Variants in BCL2L15 observed in about 807,000 individuals in gnomAD.
BCL2L15 encodes the protein BCL2 like 15, also known as bcl-2-like protein 15.
BCL2L15 carries 15 observed loss-of-function variants against 18.3 expected under a neutral mutation model. That is an observed-to-expected ratio of 0.82 (90% CI 0.55 to 1.26). The LOEUF (loss-of-function observed/expected upper bound fraction) is 1.26. BCL2L15 is among the 50% of genes most tolerant of loss of function. BCL2L15 has a pLI of 0.00. For missense variants in BCL2L15, 180 were observed against 201.7 expected (o/e 0.89, Z 0.65); for synonymous variants, 58 against 68.5 (o/e 0.85, Z 0.76).
chr1:113,881,667 T>C, intron 3 of BCL2L15, 106 bp downstream of exon 3: 2 of 1,450,186 alleles, frequency 1.4e-6, no homozygotes, highest in Middle Eastern at 2.6e-4. Flanking sequence ...AAGCCTGTTT[T>C]CCTGTTGGTT....
Position 113,880,960 on chromosome 1 carries a change from C to T in BCL2L15, c.*163G>A, listed in dbSNP as rs1413667447. ...CAACTCTGCAGGCCTCTGGCAGCTG[C>T]TCCCAACTTTAACAATCAGTAAAAA... On this transcript the variant is annotated 3_prime_UTR_variant, in exon 4 of 4. Transcript: ENST00000393316. The T allele has an allele frequency of 9.1e-6, 9 of 986,074 alleles. No homozygotes were observed. The highest frequency in any genetic ancestry group is 1.4e-5 in the Non-Finnish European group (9 of 656,908). The allele number at this position is 986,074 out of a possible 1,614,324, so 61.1% of individuals were successfully genotyped here. A position where few individuals can be genotyped will look rare whatever the true frequency, so the allele number is the denominator to read the frequency against.
At chr1:113,885,531 C>T (rs546491877) in intron 2 of BCL2L15, among the ~76,000 whole-genome samples, 1 of 152,084 alleles carries the variant, frequency 6.6e-6, no homozygotes, top group African/African-American at 2.4e-5. Context: ...AAGCGATTCT[C>T]CTGCCTCAGT....
rs759208761 is a variant in BCL2L15, at chr1:113,877,657, A to C, written c.*3466T>G. 7.2e-5 allele frequency among the ~76,000 whole-genome samples: 11 copies of C among 152,238 alleles called. No individual in the cohort carries two copies. Among genetic ancestry groups the C allele is most frequent in the Admixed American group, 2.0e-4 (3 of 15,288 alleles). On this transcript the variant is annotated 3_prime_UTR_variant, in exon 4 of 4. Coordinates refer to ENST00000393316, the MANE Select transcript of BCL2L15 (RefSeq NM_001010922.3). The stretch of plus-strand genomic sequence containing the variant: ...ATCTAAAAATGAATCAAAATAATAG[A>C]CAAAGAAACCACAGCTTTGATCAAT...
At position 113,887,491 on chromosome 1, in the gene BCL2L15, C is replaced by A; in HGVS notation, c.-116G>T. The A allele has an allele frequency of 1.4e-6, 2 of 1,418,162 alleles. No homozygotes were observed. The highest frequency in any genetic ancestry group is 9.7e-7 in the Non-Finnish European group (1 of 1,033,144). The allele number at this position is 1,418,162 out of a possible 1,614,324, so 87.8% of individuals were successfully genotyped here. Reference sequence around the variant, plus strand: ...GTTTCTACCTCTTGTAGTTTCCTGACATGTAATCCTGGAACTTTTCCCACT... The same window carrying A: ...GTTTCTACCTCTTGTAGTTTCCTGAAATGTAATCCTGGAACTTTTCCCACT... On this transcript the variant is annotated 5_prime_UTR_variant, in exon 1 of 4. An upstream start codon of the reference 5' UTR is lost. Coordinates refer to ENST00000393316, the MANE Select transcript of BCL2L15 (RefSeq NM_001010922.3).
At position 113,881,961 on chromosome 1, in the gene BCL2L15, TGA is replaced by T. The variant is rs780394339; in HGVS notation, c.284_285del (p.Leu95GlnfsTer14). Reference sequence around the variant, plus strand: ...GAATCCTGAGCACACCAGGTCTTGCTGAGAGATTCCACAGTGTCCTGGAGTAT... The same window carrying T: ...GAATCCTGAGCACACCAGGTCTTGCTGAGATTCCACAGTGTCCTGGAGTAT... ...GAILQDTVES[L>X]SKTWCAQDSS... On this transcript the variant is annotated frameshift_variant, in exon 3 of 4. Transcript: ENST00000393316. LOFTEE classifies it high-confidence loss of function. 6.2e-7 allele frequency: 1 copy of T among 1,614,054 alleles called. No homozygotes were observed. Among genetic ancestry groups the T allele is most frequent in the South Asian group, 1.1e-5 (1 of 91,076 alleles).
At chr1:113,885,778 C>T (rs1425030942) in intron 2 of BCL2L15, among the ~76,000 whole-genome samples, 1 of 152,058 alleles carries the variant, frequency 6.6e-6, no homozygotes, top group Non-Finnish European at 1.5e-5. Flanking sequence ...CGCGGTGGCT[C>T]ACCCCTGTAG....
chr1:113,883,000 G>A (rs1210122460), intron 2 of BCL2L15, among the ~76,000 whole-genome samples: 2 of 152,086 alleles, frequency 1.3e-5, no homozygotes, highest in African/African-American at 4.8e-5. Context: ...TAATTGAGTA[G>A]CTCTTCCTTT....
chr1:113,878,055 G>A lies in BCL2L15; in HGVS notation c.*3068C>T, dbSNP rs1214697569. On this transcript the variant is annotated 3_prime_UTR_variant, in exon 4 of 4. Coordinates refer to ENST00000393316, the MANE Select transcript of BCL2L15 (RefSeq NM_001010922.3). ...CATTAAGAGTGGTTTGCATCTGTGAGAGACAGGGTTAATGGAGAGAGAAAA... is the reference window on the plus strand; with the variant it reads ...CATTAAGAGTGGTTTGCATCTGTGAAAGACAGGGTTAATGGAGAGAGAAAA... 1 of 152,376 alleles carries A rather than the reference G, an allele frequency of 6.6e-6. No individual in the cohort carries two copies. Among genetic ancestry groups the A allele is most frequent in the East Asian group, 1.9e-4 (1 of 5,342 alleles). The allele number at this position is 152,376 out of a possible 1,614,324, so 9.4% of individuals were successfully genotyped here. A position where few individuals can be genotyped will look rare whatever the true frequency, so the allele number is the denominator to read the frequency against.
chr1:113,882,079 A>G, intron 2 of BCL2L15, 82 bp from the exon 3 acceptor site: 2 of 1,129,408 alleles, frequency 1.8e-6, no homozygotes, highest in South Asian at 3.0e-5. Context: ...CAGTAAAGCA[A>G]TTGTTTCTTA....
At chr1:113,886,280 T>C (rs1313736531) in intron 2 of BCL2L15, among the ~76,000 whole-genome samples, 1 of 151,586 alleles carries the variant, frequency 6.6e-6, no homozygotes, top group Non-Finnish European at 1.5e-5. Flanking sequence ...ATGTGCTCTG[T>C]GCACACTAAG....
Position 113,886,571 on chromosome 1 carries a change from G to T in BCL2L15, c.215C>A (p.Ala72Asp). Residue 72 changes from alanine (A) to aspartate (D), a missense_variant, in exon 2 of 4, where the codon GCC becomes GAC. Coordinates refer to ENST00000393316, the MANE Select transcript of BCL2L15 (RefSeq NM_001010922.3). ...DQFNGELEAS[A>D]KNVIAETIKG... ...AATGGTTTCTGCAATGACGTTTTTG[G>T]CAGAAGCTTCCAATTCTCCGTTGAA... 1 of 1,613,752 alleles carries T rather than the reference G, an allele frequency of 6.2e-7. No individual in the cohort carries two copies. The highest frequency in any genetic ancestry group is 8.5e-7 in the Non-Finnish European group (1 of 1,179,916).
At position 113,877,886 on chromosome 1, in the gene BCL2L15, T is replaced by G. The variant is rs1379663085; in HGVS notation, c.*3237A>C. 6.6e-6 allele frequency among the ~76,000 whole-genome samples: 1 copy of G among 152,124 alleles called. No homozygotes were observed. Among genetic ancestry groups the G allele is most frequent in the African/African-American group, 2.4e-5 (1 of 41,402 alleles). On this transcript the variant is annotated 3_prime_UTR_variant, in exon 4 of 4. Transcript: ENST00000393316. ...AGAGACAAGGTAAAAATGACTGAGG[T>G]TTTGAGCTAGTTGTATCGCAAACAG...
intron 2 of BCL2L15, among the ~76,000 whole-genome samples, chr1:113,883,075 G>A (rs1265036895): frequency 2.0e-5 from 3 of 151,966 alleles, no homozygotes; most frequent in South Asian, 2.1e-4. Flanking sequence ...GATCTGTGGG[G>A]ATTTAGGGGG....
At position 113,877,853 on chromosome 1, in the gene BCL2L15, GGAGA is replaced by G. The variant is rs1017499866; in HGVS notation, c.*3266_*3269del. ...AAAAACTAGTTGGGTGAGTTGGACT[GGAGA>G]GAGAGAGACAAGGTAAAAATGACTG... On this transcript the variant is annotated 3_prime_UTR_variant, in exon 4 of 4. Coordinates refer to ENST00000393316, the MANE Select transcript of BCL2L15 (RefSeq NM_001010922.3). Among the ~76,000 whole-genome samples, 2 of 152,186 alleles carry G rather than the reference GGAGA, an allele frequency of 1.3e-5. No homozygotes were observed. The highest frequency in any genetic ancestry group is 2.9e-5 in the Non-Finnish European group (2 of 68,000).
chr1:113,883,528 C>G (rs1315563284), intron 2 of BCL2L15, among the ~76,000 whole-genome samples: 1 of 150,746 alleles, frequency 6.6e-6, no homozygotes, highest in Non-Finnish European at 1.5e-5. Flanking sequence ...AATCCTAGCA[C>G]TTTGGGAGGC....
chr1:113,882,455 G>C (rs1434855637), intron 2 of BCL2L15, among the ~76,000 whole-genome samples: 1 of 152,060 alleles, frequency 6.6e-6, no homozygotes, highest in Non-Finnish European at 1.5e-5. Flanking sequence ...GACCAGCCTG[G>C]CCAACATGCT....
At position 113,887,391 on chromosome 1, in the gene BCL2L15, T is replaced by C. The variant is rs1429506928; in HGVS notation, c.-16A>G. 6.2e-7 allele frequency: 1 copy of C among 1,613,968 alleles called. No individual in the cohort carries two copies. Among genetic ancestry groups the C allele is most frequent in the Non-Finnish European group, 8.5e-7 (1 of 1,179,862 alleles). On this transcript the variant is annotated 5_prime_UTR_variant, in exon 1 of 4. Coordinates refer to ENST00000393316, the MANE Select transcript of BCL2L15 (RefSeq NM_001010922.3). ...AGCTCTTCATTTTAGATGTTTGCTG[T>C]CAAGTTTTGCTTTTCCACGAAACAA...
At chr1:113,886,869 G>T (rs1473289285) in intron 1 of BCL2L15, among the ~76,000 whole-genome samples, 1 of 151,782 alleles carries the variant, frequency 6.6e-6, no homozygotes, top group Non-Finnish European at 1.5e-5. Flanking sequence ...CTTAGAGTTT[G>T]CCTTTTGAAA....
rs1257218925 is a variant in BCL2L15, at chr1:113,881,030, G to GT, written c.*92_*93insA. 2.6e-6 allele frequency: 4 copies of GT among 1,566,272 alleles called. No individual in the cohort carries two copies. The highest frequency in any genetic ancestry group is 2.7e-5 in the African/African-American group (2 of 73,706). ...TCAGTTCTGATAAAATGAAAAAAGT[G>GT]CTTTTTTATTTGTTTGTTTGAATTC... On this transcript the variant is annotated 3_prime_UTR_variant, in exon 4 of 4. Transcript: ENST00000393316.
Sources: allele counts gnomAD v4.1 joint callset (sites outside exome capture counted in the v4.1 genomes callset), GRCh38; gene constraint gnomAD v4.1.1; transcripts MANE v1.5; gene names NCBI Gene and HGNC (gene_info 2026-07-23, HGNC 2026-07-21).